Variants in PRKCE observed in about 807,000 individuals in gnomAD.
The protein encoded by PRKCE is protein kinase C epsilon.
Under a neutral mutation model 85.4 loss-of-function variants are expected in PRKCE, and 16 were observed. The ratio of observed to expected loss-of-function variants is 0.19; its 90% CI spans 0.13 to 0.28. The LOEUF is 0.28. Ranked by LOEUF, PRKCE falls within the 10% of genes least tolerant of loss-of-function variation. PRKCE has a pLI of 1.00. For missense variants in PRKCE, 573 were observed against 975.2 expected (o/e 0.59, Z 5.49); for synonymous variants, 388 against 371.5 (o/e 1.04, Z -0.51).
chr2:45,736,670 C>T (rs560207234), intron 1 of PRKCE, among the ~76,000 whole-genome samples: 2 of 152,302 alleles, frequency 1.3e-5, no homozygotes, highest in African/African-American at 2.4e-5. Context: ...CCTCATTCCT[C>T]TTACAGTCAA....
intron 1 of PRKCE, chr2:45,676,047 T>C (rs1035484542): frequency 1.3e-5 from 2 of 152,284 alleles, no homozygotes; most frequent in African/African-American, 4.8e-5. Flanking sequence ...TAGACACCAA[T>C]GCTTGACTTG....
intron 14 of PRKCE, among the ~76,000 whole-genome samples, chr2:46,174,930 A>C (rs115753714): frequency 0.03 from 4,606 of 152,042 alleles, 89 homozygotes; most frequent in East Asian, 0.088. Flanking sequence ...GGCTCGAGCT[A>C]TCCACCTACC....
chr2:46,163,004 C>A, intron 14 of PRKCE, among the ~76,000 whole-genome samples: 1 of 152,246 alleles, frequency 6.6e-6, no homozygotes, highest in African/African-American at 2.4e-5. Flanking sequence ...GCACATACTG[C>A]ATTTCTCATC....
At chr2:46,177,962 G>A (rs1679586038) in intron 14 of PRKCE, among the ~76,000 whole-genome samples, 1 of 152,004 alleles carries the variant, frequency 6.6e-6, no homozygotes, top group East Asian at 1.9e-4. Flanking sequence ...CCAAGGATAT[G>A]GATTTAAAAA....
intron 14 of PRKCE, among the ~76,000 whole-genome samples, chr2:46,172,904 T>C (rs1679059413): frequency 6.6e-6 from 1 of 152,238 alleles, no homozygotes; most frequent in African/African-American, 2.4e-5. Context: ...AAGCCAGGCT[T>C]TTTATAATGG....
chr2:45,875,602 G>T (rs71422183), intron 2 of PRKCE, among the ~76,000 whole-genome samples: 3,046 of 152,302 alleles, frequency 0.02, 38 homozygotes, highest in Non-Finnish European at 0.029. Context: ...GTTTTTTGTT[G>T]TTGTTGTTGT....
At chr2:46,104,445 T>C (rs976391931) in intron 11 of PRKCE, among the ~76,000 whole-genome samples, 18 of 152,160 alleles carry the variant, frequency 1.2e-4, no homozygotes, top group Non-Finnish European at 1.5e-4. Flanking sequence ...TTCATGGCTT[T>C]TTCTAGAACA....
In PRKCE at chr2:46,185,071, G is replaced by A. The variant is rs1236905199; in HGVS notation, c.*190G>A. ...CCCTCCCACCTGGTGACCAGAAGGC[G>A]CTCTCGGTTCTTGTCTCACCAGTAA... is the stretch of plus-strand genomic sequence containing the variant. On this transcript the variant is annotated 3_prime_UTR_variant, in exon 15 of 15. Coordinates refer to ENST00000306156, the MANE Select transcript of PRKCE (RefSeq NM_005400.3). The surrounding 1 kb of genome is among the most constrained non-coding windows in gnomAD (Gnocchi z 4.7). 14 of 707,006 alleles carry A rather than the reference G, an allele frequency of 2.0e-5. No individual in the cohort carries two copies. Among genetic ancestry groups the A allele is most frequent in the Middle Eastern group, 4.0e-4 (1 of 2,480 alleles). The allele number at this position is 707,006 out of a possible 1,614,324, so 43.8% of individuals were successfully genotyped here. A position where few individuals can be genotyped will look rare whatever the true frequency, so the allele number is the denominator to read the frequency against.
intron 1 of PRKCE, 33 bp from the exon 2 acceptor site, chr2:45,842,967 C>G (rs1691479477): frequency 6.2e-7 from 1 of 1,605,100 alleles, no homozygotes; most frequent in Non-Finnish European, 8.5e-7. Flanking sequence ...ACACAATGCA[C>G]TAACAGAGTC....
Position 45,676,565 on chromosome 2 carries a change from T to C in PRKCE, c.348+24117T>C, listed in dbSNP as rs149788162. Among the ~76,000 whole-genome samples, 602 of 152,354 alleles carry C rather than the reference T, an allele frequency of 4.0e-3. 8 individuals carry two copies. Among genetic ancestry groups the C allele is most frequent in the East Asian group, 6.6e-3 (34 of 5,184 alleles). Reference sequence around the variant, plus strand: ...CTATTGGGATATAAACTCTGATCCATACATGGAAGTAGCCCAGTCCGTACA... The same window carrying C: ...CTATTGGGATATAAACTCTGATCCACACATGGAAGTAGCCCAGTCCGTACA... On this transcript the variant is annotated intron_variant, in intron 1 of 14. Coordinates refer to ENST00000306156, the MANE Select transcript of PRKCE (RefSeq NM_005400.3).
intron 1 of PRKCE, among the ~76,000 whole-genome samples, chr2:45,734,651 T>C (rs921337755): frequency 7.2e-5 from 11 of 152,226 alleles, no homozygotes; most frequent in Non-Finnish European, 1.5e-4. Flanking sequence ...TGGGCCTCTG[T>C]TGTGTGTTAA....
At chr2:45,910,050 C>G (rs190677384) in intron 2 of PRKCE, among the ~76,000 whole-genome samples, 8 of 152,054 alleles carry the variant, frequency 5.3e-5, no homozygotes, top group South Asian at 4.2e-4. Flanking sequence ...ACCGCCCCCC[C>G]CCAGCCAAGT....
chr2:45,870,327 A>C (rs1219862449), intron 2 of PRKCE, among the ~76,000 whole-genome samples: 1 of 152,212 alleles, frequency 6.6e-6, no homozygotes, highest in African/African-American at 2.4e-5. Flanking sequence ...ACCAGCCTTA[A>C]GGAGAAAGAT....
rs181734185 is a variant in PRKCE, at chr2:45,843,057, G to C, written c.406G>C (p.Gly136Arg). Residue 136 changes from glycine (G) to arginine (R), a missense_variant, in exon 2 of 15, where the codon GGT becomes CGT. By Grantham distance (125) the Gly-to-Arg change is moderately radical. Coordinates refer to ENST00000306156, the MANE Select transcript of PRKCE (RefSeq NM_005400.3). ...GATCATCGATCTCTCAGGGTCGTCG[G>C]GTGAAGGTAGGAGAGCGTGACTTCT... ...YVIIDLSGSS[G>R]EAPKDNEERV... 1 of 1,614,076 alleles carries C rather than the reference G, an allele frequency of 6.2e-7. No homozygotes were observed. Among genetic ancestry groups the C allele is most frequent in the Non-Finnish European group, 8.5e-7 (1 of 1,179,932 alleles).
intron 1 of PRKCE, among the ~76,000 whole-genome samples, chr2:45,796,862 C>G (rs1314648037): frequency 6.6e-6 from 1 of 152,160 alleles, no homozygotes; most frequent in East Asian, 1.9e-4. Context: ...AAGTGATCCT[C>G]GCGCCTCAGC....
intron 9 of PRKCE, 127 bp from the exon 10 acceptor site, chr2:46,010,217 G>A: frequency 9.1e-7 from 1 of 1,096,962 alleles, no homozygotes; most frequent in Non-Finnish European, 1.2e-6. Context: ...CACCACACCA[G>A]GCTTGTTATA....
At chr2:45,708,392 G>C (rs1339828994) in intron 1 of PRKCE, among the ~76,000 whole-genome samples, 1 of 152,152 alleles carries the variant, frequency 6.6e-6, no homozygotes, top group Non-Finnish European at 1.5e-5. Context: ...ACATGTTGTG[G>C]GAAGAACCTG....
intron 10 of PRKCE, among the ~76,000 whole-genome samples, chr2:46,082,658 T>A (rs767492099): frequency 6.6e-5 from 10 of 152,148 alleles, no homozygotes; most frequent in Non-Finnish European, 1.5e-4. Flanking sequence ...CCTCGTGGGA[T>A]TCCAACACTT....
chr2:45,705,021 G>A lies in PRKCE; in HGVS notation c.348+52573G>A, dbSNP rs537230757. On this transcript the variant is annotated intron_variant, in intron 1 of 14. Coordinates refer to ENST00000306156, the MANE Select transcript of PRKCE (RefSeq NM_005400.3). ...CCTCTTCCTTGCAGGGGAGCTGTGGGGCACAGATGAGATAAAGCAGGTGGA... is the reference window on the plus strand; with the variant it reads ...CCTCTTCCTTGCAGGGGAGCTGTGGAGCACAGATGAGATAAAGCAGGTGGA... Among the ~76,000 whole-genome samples the A allele has an allele frequency of 3.9e-5, 6 of 152,244 alleles. 1 individual carries two copies. In the South Asian group the frequency reaches 1.2e-3, roughly 32 times the overall value.
Sources: allele counts gnomAD v4.1 joint callset (sites outside exome capture counted in the v4.1 genomes callset), GRCh38; gene constraint gnomAD v4.1.1; non-coding constraint Gnocchi (gnomAD v3.1); transcripts MANE v1.5; gene names NCBI Gene and HGNC (gene_info 2026-07-23, HGNC 2026-07-21).